FGF13: variants seen among roughly 807,000 people sequenced by gnomAD.
The protein encoded by FGF13 is fibroblast growth factor homologous factor 2.
FGF13 carries 2 observed loss-of-function variants against 19.5 expected under a neutral mutation model. That is an observed-to-expected ratio of 0.10 (90% confidence interval 0.04 to 0.32). The LOEUF is 0.32. Among genes scored for constraint, FGF13 ranks in the 10% least tolerant of loss-of-function variants. The pLI is 1.00. For missense variants in FGF13, 113 were observed against 192.7 expected (o/e 0.59, Z 2.45); for synonymous variants, 72 against 76.9 (o/e 0.94, Z 0.33).
intron 1 of FGF13, among the ~76,000 whole-genome samples, chrX:138,869,126 G>A (rs2091344619): frequency 9.0e-6 from 1 of 111,104 alleles, no homozygotes; most frequent in African/African-American, 3.3e-5. Flanking sequence ...AAGCAGGTAG[G>A]GTGCTCTTCT....
intron 3 of FGF13, among the ~76,000 whole-genome samples, chrX:138,652,708 C>T (rs973468955): frequency 1.3e-4 from 14 of 111,700 alleles, no homozygotes; most frequent in Non-Finnish European, 1.9e-4. Flanking sequence ...CCCAAAGAAA[C>T]GAAATAAACC....
intron 1 of FGF13, among the ~76,000 whole-genome samples, chrX:138,722,776 T>C (rs1488963856): frequency 1.8e-5 from 2 of 111,101 alleles, no homozygotes; most frequent in Non-Finnish European, 3.8e-5. Context: ...AAATGAAAAA[T>C]ATAACCTTTC....
intron 3 of FGF13, among the ~76,000 whole-genome samples, chrX:138,678,833 T>G (rs2089699704): frequency 8.9e-6 from 1 of 111,921 alleles, no homozygotes; most frequent in Admixed American, 9.5e-5. Context: ...AATGTTTCAT[T>G]AAAAGTTCAA....
At chrX:138,780,709 A>G (rs2090633677) in intron 3 of FGF13, among the ~76,000 whole-genome samples, 1 of 107,972 alleles carries the variant, frequency 9.3e-6, no homozygotes, top group African/African-American at 3.4e-5. Context: ...CCCACACATT[A>G]GTAATGGGAG....
intron 1 of FGF13, among the ~76,000 whole-genome samples, chrX:139,184,936 C>A (rs767042383): frequency 1.3e-4 from 14 of 111,913 alleles, no homozygotes; most frequent in Non-Finnish European, 2.1e-4. Flanking sequence ...CACTCAAATG[C>A]ACATTCCAGG....
intron 1 of FGF13, among the ~76,000 whole-genome samples, chrX:139,137,704 A>G (rs1243425766): frequency 8.9e-6 from 1 of 112,111 alleles, no homozygotes; most frequent in Non-Finnish European, 1.9e-5. Context: ...GATTGTGTCA[A>G]CTCTGGCACC....
chrX:138,875,955 C>A (rs1420657556), intron 1 of FGF13, among the ~76,000 whole-genome samples: 1 of 108,786 alleles, frequency 9.2e-6, no homozygotes, highest in Non-Finnish European at 1.9e-5. Context: ...ACCTGCATAA[C>A]CATGAAAGTC....
intron 3 of FGF13, among the ~76,000 whole-genome samples, chrX:138,782,270 A>T (rs1419659133): frequency 8.9e-6 from 1 of 112,373 alleles, no homozygotes; most frequent in Admixed American, 9.4e-5. Flanking sequence ...GGCCTCTCTC[A>T]CCACTCCTAT....
intron 3 of FGF13, among the ~76,000 whole-genome samples, chrX:138,700,121 A>T (rs1359850188): frequency 9.1e-6 from 1 of 110,477 alleles, no homozygotes; most frequent in East Asian, 2.9e-4. Flanking sequence ...TTCCAAATCC[A>T]ATCAGCCACC....
chrX:138,969,949 A>G (rs1182637604), intron 1 of FGF13, among the ~76,000 whole-genome samples: 1 of 111,944 alleles, frequency 8.9e-6, no homozygotes, highest in Admixed American at 9.5e-5. Context: ...AAGTGAAGCT[A>G]TAGAGAATTG....
At chrX:138,762,655 G>A (rs1311711884) in intron 3 of FGF13, among the ~76,000 whole-genome samples, 1 of 111,559 alleles carries the variant, frequency 9.0e-6, no homozygotes, top group Non-Finnish European at 1.9e-5. Context: ...CCACTAACAA[G>A]CTATGCAACA....
At chrX:138,815,086 A>G (rs2090952410) in intron 3 of FGF13, among the ~76,000 whole-genome samples, 1 of 111,292 alleles carries the variant, frequency 9.0e-6, no homozygotes, top group African/African-American at 3.3e-5. Context: ...AATAAGCTAG[A>G]CACAGAAAGA....
intron 2 of FGF13, among the ~76,000 whole-genome samples, chrX:138,863,177 A>G (rs979445824): frequency 9.1e-6 from 1 of 110,304 alleles, no homozygotes; most frequent in African/African-American, 3.3e-5. Context: ...CACAGTCTAT[A>G]ATTACTTATA....
chrX:138,875,656 A>G (rs146428988), intron 1 of FGF13, among the ~76,000 whole-genome samples: 360 of 111,292 alleles, frequency 3.2e-3, no homozygotes, highest in African/African-American at 0.011. Flanking sequence ...GGTGGGCCTC[A>G]CCCAATCAGT....
At chrX:139,169,237 C>T (rs1342158958) in intron 1 of FGF13, among the ~76,000 whole-genome samples, 1 of 112,025 alleles carries the variant, frequency 8.9e-6, no homozygotes, top group Non-Finnish European at 1.9e-5. Context: ...TTGCTCTTCA[C>T]CACCTCTTCA....
At chrX:138,969,814 T>C (rs1314021522) in intron 1 of FGF13, among the ~76,000 whole-genome samples, 1 of 112,021 alleles carries the variant, frequency 8.9e-6, no homozygotes, top group Admixed American at 9.4e-5. Context: ...ACTATATCCA[T>C]ACAGCCATTG....
At chrX:139,197,061 GAA>G (rs1027025124) in intron 1 of FGF13, among the ~76,000 whole-genome samples, 3 of 112,207 alleles carry the variant, frequency 2.7e-5, no homozygotes, top group African/African-American at 9.7e-5. Context: ...AGGAGGCTCT[GAA>G]AAAGTCTTTC....
upstream of FGF13, chrX:139,204,320 TCGCCGC>T (rs770201350): frequency 9.2e-5 from 30 of 325,735 alleles, no homozygotes; most frequent in Admixed American, 1.8e-4. Flanking sequence ...GGAGCCGCCG[TCGCCGC>T]CGCCGCCGCC....
chrX:138,972,356 AT>A (rs34553958), intron 1 of FGF13, among the ~76,000 whole-genome samples: 2,488 of 77,954 alleles, frequency 0.032, 109 homozygotes, highest in African/African-American at 0.1. Flanking sequence ...CTTCACCAGA[AT>A]TTTTTTTTTT....
Sources: gnomAD v4.1 joint callset for allele counts (sites outside exome capture counted in the v4.1 genomes callset) on GRCh38, gnomAD v4.1.1 for gene constraint, MANE v1.5 for transcripts, NCBI Gene and HGNC (gene_info 2026-07-23, HGNC 2026-07-21) for gene names.